The following KANK1 variants were observed in gnomAD, a reference collection of about 807,000 sequenced individuals.
KANK1 encodes KN motif and ankyrin repeat domains 1.
A neutral mutation model predicts 106.2 loss-of-function variants in KANK1; 109 were observed. The observed-to-expected ratio is 1.03, with a 90% CI of 0.88 to 1.20. KANK1 has a LOEUF of 1.20. KANK1 is among the 50% of genes most tolerant of loss of function. The pLI is 0.00. For missense variants in KANK1, 2,399 were observed against 1,710.7 expected, an observed-to-expected ratio of 1.40 and a Z score of -7.10; for synonymous variants, 873 against 652.2, an observed-to-expected ratio of 1.34 and a Z score of -5.16.
At chr9:505,983 C>T (rs1364028929) in intron 1 of KANK1, among the ~76,000 whole-genome samples, 1 of 152,106 alleles carries the variant, frequency 6.6e-6, no homozygotes, top group Non-Finnish European at 1.5e-5. Context: ...ACTTTCTCTA[C>T]TAAAATGTTG....
At position 545,689 on chromosome 9, in the gene KANK1, A is replaced by G. The variant is rs1324088993; in HGVS notation, c.-84+40935A>G. On this transcript the variant is annotated intron_variant, in intron 1 of 11. Coordinates refer to ENST00000382297, the MANE Select transcript of KANK1 (RefSeq NM_015158.5). ...AGGGACTTCATGGCAGCGTGACAGC[A>G]TATGGAGATGCAGTACTGTTGGCCT... Among the ~76,000 whole-genome samples the G allele has an allele frequency of 4.7e-5, 7 of 149,296 alleles. No individual in the cohort carries two copies. In the East Asian group the frequency reaches 1.2e-3, roughly 25 times the overall value.
At chr9:667,492 CTCCATTATTAG>C (rs1369042661) in intron 1 of KANK1, among the ~76,000 whole-genome samples, 1 of 151,860 alleles carries the variant, frequency 6.6e-6, no homozygotes, top group Non-Finnish European at 1.5e-5. Flanking sequence ...CCTTGAGATG[CTCCATTATTAG>C]TCCATTATTA....
rs563245939 is a variant in KANK1, at chr9:730,585, C to T, written c.2896+337C>T. 7.4e-5 allele frequency: 23 copies of T among 310,898 alleles called. 1 individual carries two copies. Among genetic ancestry groups the T allele is most frequent in the South Asian group, 4.9e-4 (17 of 34,564 alleles). 19.3% of individuals were successfully genotyped at this position (310,898 alleles called of 1,614,324 possible). On this transcript the variant is annotated intron_variant, in intron 4 of 11. Transcript: ENST00000382297. ...GTGCACACCTGTAGTCCCAGCTACT[C>T]CGGCGGCTGAGGTGGGAGAATCACT...
chr9:709,113 G>A (rs568907066), intron 2 of KANK1, among the ~76,000 whole-genome samples: 2 of 152,298 alleles, frequency 1.3e-5, no homozygotes, highest in East Asian at 3.9e-4. Context: ...TACAAAACAA[G>A]GTGTTCCTGG....
Position 718,977 on chromosome 9 carries a change from T to TG in KANK1, c.2698+5514dup, listed in dbSNP as rs1554706567. Among the ~76,000 whole-genome samples, 18 of 143,770 alleles carry TG rather than the reference T, an allele frequency of 1.3e-4. No homozygotes were observed. The East Asian group carries it at 3.6e-3, about 29-fold the overall frequency. The allele number at this position is 143,770 out of a possible 152,430, so 94.3% of individuals were successfully genotyped here. A position where few individuals can be genotyped will look rare whatever the true frequency, so the allele number is the denominator to read the frequency against. ...CCTTTTTTTTTTTTTTTTTTTTTTT[T>TG]GAGACACAGTCACACTCTGTCACCC... On this transcript the variant is annotated intron_variant, in intron 3 of 11. Coordinates refer to ENST00000382297, the MANE Select transcript of KANK1 (RefSeq NM_015158.5).
intron 1 of KANK1, among the ~76,000 whole-genome samples, chr9:644,370 C>T (rs1310791689): frequency 6.6e-6 from 1 of 150,928 alleles, no homozygotes; most frequent in African/African-American, 2.5e-5. Context: ...TCCGTTCTCT[C>T]ACTGCTATAA....
chr9:670,904 G>A (rs1222313274), intron 1 of KANK1, among the ~76,000 whole-genome samples: 1 of 150,970 alleles, frequency 6.6e-6, no homozygotes, highest in Non-Finnish European at 1.5e-5. Context: ...ATTGGGGGAA[G>A]GGTGTCACAG....
At chr9:654,589 C>T (rs1346484606) in intron 1 of KANK1, among the ~76,000 whole-genome samples, 5 of 150,962 alleles carry the variant, frequency 3.3e-5, no homozygotes, top group African/African-American at 1.2e-4. Flanking sequence ...AATCGTTTCT[C>T]ATCCATTGTC....
At chr9:478,198 C>T in intron 3 of KANK1, 1 of 163,638 alleles carries the variant, frequency 6.1e-6, no homozygotes, top group South Asian at 1.5e-4. Flanking sequence ...ATGACAGATG[C>T]AGCACCAATC....
intron 1 of KANK1, among the ~76,000 whole-genome samples, chr9:603,194 C>G (rs929569267): frequency 6.6e-6 from 1 of 151,628 alleles, no homozygotes; most frequent in Non-Finnish European, 1.5e-5. Context: ...AAGAAATTTC[C>G]CTACTCATCC....
chr9:511,141 G>A (rs2059012219), intron 1 of KANK1, among the ~76,000 whole-genome samples: 1 of 152,204 alleles, frequency 6.6e-6, no homozygotes, highest in Non-Finnish European at 1.5e-5. Context: ...TTAATGCTGA[G>A]TAGAGAGATC....
intron 3 of KANK1, among the ~76,000 whole-genome samples, chr9:479,602 A>G (rs1197098976): frequency 6.6e-6 from 1 of 152,264 alleles, no homozygotes; most frequent in East Asian, 1.9e-4. Context: ...AGATTGGTGG[A>G]TCCATACAAA....
At chr9:679,692 C>G (rs910564962) in intron 2 of KANK1, among the ~76,000 whole-genome samples, 27 of 152,166 alleles carry the variant, frequency 1.8e-4, no homozygotes, top group African/African-American at 6.3e-4. Flanking sequence ...CAGGCATGAG[C>G]CACCGCACCC....
chr9:515,212 G>A (rs1044645349), intron 1 of KANK1, among the ~76,000 whole-genome samples: 7 of 151,466 alleles, frequency 4.6e-5, no homozygotes, highest in Non-Finnish European at 2.9e-5. Flanking sequence ...AGGCGTGGTG[G>A]CGGGAGCCTG....
intron 2 of KANK1, among the ~76,000 whole-genome samples, chr9:694,854 G>A (rs1023858072): frequency 1.3e-5 from 2 of 152,146 alleles, no homozygotes; most frequent in Non-Finnish European, 2.9e-5. Flanking sequence ...GCTGCTGAGT[G>A]GGACGTGCAG....
Position 744,826 on chromosome 9 carries a change from A to ATAG in KANK1, c.3996+238_3996+240dup, listed in dbSNP as rs1836775949. The ATAG allele has an allele frequency of 3.5e-6, 5 of 1,426,830 alleles. No individual in the cohort carries two copies. In the South Asian group the frequency reaches 7.5e-5, roughly 21 times the overall value. 88.4% of individuals were successfully genotyped at this position (1,426,830 alleles called of 1,614,324 possible). ...GCAAGACATATGCTCACAGCTTCCC[A>ATAG]TAGAGGTTTTGATTCTGTGCAGAAT... On this transcript the variant is annotated intron_variant, in intron 11 of 11. Transcript: ENST00000382297.
At chr9:588,529 T>C (rs1824064980) in intron 1 of KANK1, among the ~76,000 whole-genome samples, 1 of 152,142 alleles carries the variant, frequency 6.6e-6, no homozygotes, top group Admixed American at 6.5e-5. Flanking sequence ...AGTAGCAGTA[T>C]ATTGAAGTAC....
At chr9:738,199 A>G (rs958245390) in intron 7 of KANK1, 86 bp from the exon 8 acceptor site, 3 of 1,099,940 alleles carry the variant, frequency 2.7e-6, no homozygotes, top group South Asian at 1.5e-5. Flanking sequence ...TACTTTGACT[A>G]TAAAAGGACA....
chr9:511,806 C>T (rs1258384114), intron 1 of KANK1, among the ~76,000 whole-genome samples: 2 of 152,152 alleles, frequency 1.3e-5, no homozygotes, highest in African/African-American at 4.8e-5. Flanking sequence ...ACTGCTGTTT[C>T]TGTTTTTAGT....
Sources: gnomAD v4.1 joint callset for allele counts (sites outside exome capture counted in the v4.1 genomes callset) on GRCh38, gnomAD v4.1.1 for gene constraint, MANE v1.5 for transcripts, NCBI Gene and HGNC (gene_info 2026-07-23, HGNC 2026-07-21) for gene names.